The following MPV17L2 variants were observed in gnomAD, a reference collection of about 807,000 sequenced individuals.
MPV17L2 encodes the protein mpv17-like protein 2.
Under a neutral mutation model 24.2 loss-of-function variants are expected in MPV17L2, and 25 were observed. That is an observed-to-expected ratio of 1.03 (90% CI 0.75 to 1.44). MPV17L2 has a LOEUF of 1.44. MPV17L2 is among the 40% of genes most tolerant of loss of function. The pLI, the probability that MPV17L2 is intolerant of heterozygous loss-of-function variation, is 0.00. For synonymous variants in MPV17L2, 130 were observed against 121.4 expected (o/e 1.07, Z -0.46); for missense variants, 271 against 276.2 (o/e 0.98, Z 0.13).
In MPV17L2 at chr19:18,193,235, C is replaced by T. The variant is rs190501127; in HGVS notation, c.-47C>T. The T allele has an allele frequency of 6.9e-4, 981 of 1,423,344 alleles. 11 individuals are homozygous for T. The East Asian group carries it at 0.02, about 29-fold the overall frequency. The allele number at this position is 1,423,344 out of a possible 1,614,324, so 88.2% of individuals were successfully genotyped here. A position where few individuals can be genotyped will look rare whatever the true frequency, so the allele number is the denominator to read the frequency against. On this transcript the variant is annotated 5_prime_UTR_variant, in exon 1 of 5. Transcript: ENST00000599612. ...TCGACAGTGACTCGCGACTGGTCGG[C>T]GCGGCGAAAGCAGAGCGGCGCGCCG... is the stretch of plus-strand genomic sequence containing the variant.
intron 2 of MPV17L2, 58 bp from the exon 3 acceptor site, chr19:18,194,719 G>C: frequency 2.0e-6 from 3 of 1,483,882 alleles, no homozygotes; most frequent in South Asian, 1.2e-5. Flanking sequence ...AGCCCATCTT[G>C]TCGTCTCAAC....
At position 18,194,034 on chromosome 19, in the gene MPV17L2, G is replaced by A; in HGVS notation, c.358G>A (p.Gly120Ser). 1 of 1,613,734 alleles carries A rather than the reference G, an allele frequency of 6.2e-7. No individual in the cohort carries two copies. Among genetic ancestry groups the A allele is most frequent in the Admixed American group, 1.7e-5 (1 of 59,910 alleles). ...ATTGCTGGGCGTCTGGTACTTCTTG[G>A]GTAAGGAGCCTCCTAAGCCTAGGCT... ...SPLLGVWYFL[G>S]LGCLEGQTVG... The change falls in exon 2 of 5, where the codon GGC becomes AGC. Residue 120 changes from glycine (G) to serine (S), a missense_variant and splice_region_variant. Physicochemically the swap from Gly to Ser is moderately conservative, Grantham distance 56 (BLOSUM62 0). Transcript: ENST00000599612.
In MPV17L2 at chr19:18,193,990, A is replaced by G. The variant is rs769274039; in HGVS notation, c.314A>G (p.Asp105Gly). 2.2e-5 allele frequency: 36 copies of G among 1,614,118 alleles called. No individual in the cohort carries two copies. Among genetic ancestry groups the G allele is most frequent in the Non-Finnish European group, 3.0e-5 (35 of 1,180,046 alleles). ...AATGTCCTCAAGAAGGTCCTCGTGG[A>G]TCAGCTGGTAGCCTCTCCATTGCTG... ...FPNVLKKVLVDQLVASPLLGV... is the reference protein window; with the variant it reads ...FPNVLKKVLVGQLVASPLLGV... The change falls in exon 2 of 5, where the codon GAT (aspartate) becomes GGT (glycine). Residue 105 changes from aspartate to glycine, a missense_variant. Asp to Gly is a moderately conservative substitution (Grantham distance 94). Transcript: ENST00000599612.
intron 4 of MPV17L2, 96 bp downstream of exon 4, chr19:18,195,182 G>A (rs959690603): frequency 1.3e-6 from 2 of 1,525,098 alleles, no homozygotes; most frequent in Non-Finnish European, 1.8e-6. Context: ...CCTGGAGGGT[G>A]GGAGTCTCCT....
intron 4 of MPV17L2, among the ~76,000 whole-genome samples, chr19:18,195,688 T>C (rs1967504641): frequency 7.1e-6 from 1 of 141,658 alleles, no homozygotes; most frequent in Non-Finnish European, 1.6e-5. Context: ...AAAAAAAAAA[T>C]TAGCCGGGCG....
rs369004393 is a variant in MPV17L2, at chr19:18,196,086, T to C, written c.*31T>C. ...CTGCTTCCTGGACCAGATGCAAGACTGTCTCCTGGCGGACCACCCCCTCTG... is the reference window on the plus strand; with the variant it reads ...CTGCTTCCTGGACCAGATGCAAGACCGTCTCCTGGCGGACCACCCCCTCTG... On this transcript the variant is annotated 3_prime_UTR_variant, in exon 5 of 5. Transcript: ENST00000599612. The C allele has an allele frequency of 8.7e-5, 140 of 1,613,906 alleles. No homozygotes were observed. The highest frequency in any genetic ancestry group is 1.1e-4 in the Non-Finnish European group (135 of 1,179,996).
Position 18,193,249 on chromosome 19 carries a change from AGCGGCGC to A in MPV17L2, c.-30_-24del, listed in dbSNP as rs1441071555. The stretch of plus-strand genomic sequence containing the variant: ...CGACTGGTCGGCGCGGCGAAAGCAG[AGCGGCGC>A]GCCGGTTCCTTGGTTCCTGAGGGCG... On this transcript the variant is annotated 5_prime_UTR_variant, in exon 1 of 5. Coordinates refer to ENST00000599612, the MANE Select transcript of MPV17L2 (RefSeq NM_032683.3). 1 of 1,448,914 alleles carries A rather than the reference AGCGGCGC, an allele frequency of 6.9e-7. No individual in the cohort carries two copies. The highest frequency in any genetic ancestry group is 9.0e-7 in the Non-Finnish European group (1 of 1,107,888). The allele number at this position is 1,448,914 out of a possible 1,614,324, so 89.8% of individuals were successfully genotyped here.
chr19:18,196,045 G>A lies in MPV17L2; in HGVS notation c.611G>A (p.Arg204Gln), dbSNP rs775026648. 5 of 1,613,906 alleles carry A rather than the reference G, an allele frequency of 3.1e-6. No individual in the cohort carries two copies. Among genetic ancestry groups the A allele is most frequent in the African/African-American group, 2.7e-5 (2 of 74,910 alleles). Residue 204 changes from arginine to glutamine, a missense_variant, in exon 5 of 5, where the codon CGA becomes CAA. By Grantham distance (43) the Arg-to-Gln change is conservative. Transcript: ENST00000599612. ...TPPGCVALDTRAD is the reference protein window; with the variant it reads ...TPPGCVALDTQAD ...CCAGGCTGTGTGGCCCTGGACACCC[G>A]AGCAGACTGAACTGTCTGCTTCCTG... is the stretch of plus-strand genomic sequence containing the variant.
intron 2 of MPV17L2, 113 bp from the exon 3 acceptor site, chr19:18,194,664 G>A (rs1214245324): frequency 2.3e-6 from 2 of 862,130 alleles, no homozygotes; most frequent in Non-Finnish European, 3.6e-6. Flanking sequence ...GCCCGGGGTG[G>A]GCGGCGTGGG....
rs902082162 is a variant in MPV17L2, at chr19:18,196,650, G to A, written c.*595G>A. Reference sequence around the variant, plus strand: ...GCCCTTCCCGAGGCTGAGGTGGAAGGATTGCTCGAGGCCAGGTGTTCGAGA... The same window carrying A: ...GCCCTTCCCGAGGCTGAGGTGGAAGAATTGCTCGAGGCCAGGTGTTCGAGA... On this transcript the variant is annotated 3_prime_UTR_variant, in exon 5 of 5. Coordinates refer to ENST00000599612, the MANE Select transcript of MPV17L2 (RefSeq NM_032683.3). 17 of 359,682 alleles carry A rather than the reference G, an allele frequency of 4.7e-5. No individual in the cohort carries two copies. The Admixed American group carries it at 6.5e-4, about 14-fold the overall frequency. The allele number at this position is 359,682 out of a possible 1,614,324, so 22.3% of individuals were successfully genotyped here.
chr19:18,195,149 C>G, intron 4 of MPV17L2, 63 bp downstream of exon 4: 1 of 1,566,498 alleles, frequency 6.4e-7, no homozygotes, highest in Non-Finnish European at 8.7e-7. Flanking sequence ...GTGTGAGCTC[C>G]AAGTGGCAGT....
chr19:18,194,915 C>A, intron 3 of MPV17L2, 43 bp from the exon 4 acceptor site: 1 of 1,594,966 alleles, frequency 6.3e-7, no homozygotes, highest in Non-Finnish European at 8.5e-7. Flanking sequence ...TCCGCCCCCG[C>A]CCAGCTCTGG....
rs1402083224 is a variant in MPV17L2, at chr19:18,196,213, A to G, written c.*158A>G. On this transcript the variant is annotated 3_prime_UTR_variant, in exon 5 of 5. Transcript: ENST00000599612. ...GGGCTGAGCCGCCCTTTCCAAGCTC[A>G]CTTCTGGGACTGAGTTTCCTCAACC... is the stretch of plus-strand genomic sequence containing the variant. The G allele has an allele frequency of 7.8e-6, 12 of 1,534,686 alleles. No individual in the cohort carries two copies. The highest frequency in any genetic ancestry group is 2.4e-5 in the South Asian group (2 of 83,878).
rs752298788 is a variant in MPV17L2 at position 18,194,054 on chromosome 19, T to G, written c.358+20T>G. 4 of 1,611,294 alleles carry G rather than the reference T, an allele frequency of 2.5e-6. No individual in the cohort carries two copies. In the East Asian group the frequency reaches 8.9e-5, roughly 36 times the overall value. On this transcript the variant is annotated intron_variant, in intron 2 of 4. Transcript: ENST00000599612. ...TCTTGGGTAAGGAGCCTCCTAAGCCTAGGCTTTGCCTCTCATAGGTCGGGA... is the reference window on the plus strand; with the variant it reads ...TCTTGGGTAAGGAGCCTCCTAAGCCGAGGCTTTGCCTCTCATAGGTCGGGA...
At position 18,195,093 on chromosome 19, in the gene MPV17L2, G is replaced by A; in HGVS notation, c.564+7G>A. The A allele has an allele frequency of 6.2e-7, 1 of 1,613,452 alleles. No homozygotes were observed. Among genetic ancestry groups the A allele is most frequent in the South Asian group, 1.1e-5 (1 of 91,042 alleles). On this transcript the variant is annotated splice_region_variant and intron_variant, in intron 4 of 4. Transcript: ENST00000599612. ...GTCCTACTTGAAGTACCGGGTGAGTGTGGAGGGCATACCAGGCACCCAGGG... is the reference window on the plus strand; with the variant it reads ...GTCCTACTTGAAGTACCGGGTGAGTATGGAGGGCATACCAGGCACCCAGGG...
chr19:18,193,760 C>T (rs1967464330), intron 1 of MPV17L2, 104 bp from the exon 2 acceptor site: 2 of 1,523,734 alleles, frequency 1.3e-6, no homozygotes, highest in African/African-American at 1.4e-5. Context: ...GCTGAGGCTC[C>T]GGGATGGCAT....
intron 1 of MPV17L2, 169 bp downstream of exon 1, chr19:18,193,637 TC>T (rs1256142759): frequency 1.4e-6 from 2 of 1,417,782 alleles, no homozygotes; most frequent in East Asian, 5.1e-5. Context: ...CTCCATCACC[TC>T]CCAACCCCCG....
At chr19:18,195,123 C>A in intron 4 of MPV17L2, 37 bp downstream of exon 4, 1 of 1,601,320 alleles carries the variant, frequency 6.2e-7, no homozygotes, top group Middle Eastern at 1.7e-4. Context: ...CCAGGGGACT[C>A]CCCAGGGGGC....
Position 18,196,079 on chromosome 19 carries a change from G to A in MPV17L2, c.*24G>A. 1 of 1,614,046 alleles carries A rather than the reference G, an allele frequency of 6.2e-7. No homozygotes were observed. The highest frequency in any genetic ancestry group is 1.1e-5 in the South Asian group (1 of 91,084). ...GAACTGTCTGCTTCCTGGACCAGAT[G>A]CAAGACTGTCTCCTGGCGGACCACC... On this transcript the variant is annotated 3_prime_UTR_variant, in exon 5 of 5. Coordinates refer to ENST00000599612, the MANE Select transcript of MPV17L2 (RefSeq NM_032683.3).
Sources: gnomAD v4.1 joint callset for allele counts (sites outside exome capture counted in the v4.1 genomes callset) on GRCh38, gnomAD v4.1.1 for gene constraint, MANE v1.5 for transcripts, NCBI Gene and HGNC (gene_info 2026-07-23, HGNC 2026-07-21) for gene names.